The following CNTNAP2 variants were observed in gnomAD, a reference collection of about 807,000 sequenced individuals.
CNTNAP2 encodes contactin associated protein 2, also known as contactin-associated protein-like 2.
CNTNAP2 carries 98 observed loss-of-function variants against 155.2 expected under a neutral mutation model. The observed-to-expected ratio is 0.63, with a 90% confidence interval of 0.54 to 0.75. CNTNAP2 has a LOEUF of 0.75. CNTNAP2 is among the 30% of genes least tolerant of loss of function. The pLI, the probability that CNTNAP2 is intolerant of heterozygous loss-of-function variation, is 0.00. For missense variants in CNTNAP2, 1,727 were observed against 1,688.1 expected, an observed-to-expected ratio of 1.02 and a Z score of -0.40; for synonymous variants, 651 against 631.2, an observed-to-expected ratio of 1.03 and a Z score of -0.47.
intron 21 of CNTNAP2, among the ~76,000 whole-genome samples, chr7:148,305,829 C>CCG (rs1554415437): frequency 2.0e-5 from 3 of 151,952 alleles, no homozygotes; most frequent in Admixed American, 1.3e-4. Context: ...GTGAGATTTG[C>CCG]GGGGGGGACA....
At chr7:146,367,068 A>G (rs978501003) in intron 1 of CNTNAP2, among the ~76,000 whole-genome samples, 9 of 152,156 alleles carry the variant, frequency 5.9e-5, no homozygotes, top group African/African-American at 2.2e-4. Flanking sequence ...ATGAGAACCA[A>G]TGAACAAACA....
At chr7:146,632,124 T>C (rs1799520711) in intron 1 of CNTNAP2, among the ~76,000 whole-genome samples, 1 of 152,156 alleles carries the variant, frequency 6.6e-6, no homozygotes, top group African/African-American at 2.4e-5. Context: ...TATGCTTTAG[T>C]TTCATCAAAT....
chr7:146,688,378 T>A (rs1419197680), intron 1 of CNTNAP2, among the ~76,000 whole-genome samples: 1 of 152,110 alleles, frequency 6.6e-6, no homozygotes, highest in East Asian at 1.9e-4. Flanking sequence ...AGGCTTTGTG[T>A]GAGCAATAAA....
At chr7:147,413,124 A>G (rs768255971) in intron 10 of CNTNAP2, among the ~76,000 whole-genome samples, 7 of 152,202 alleles carry the variant, frequency 4.6e-5, no homozygotes, top group Non-Finnish European at 8.8e-5. Flanking sequence ...TACATCGGAA[A>G]AGAGTTTACT....
intron 1 of CNTNAP2, among the ~76,000 whole-genome samples, chr7:146,395,834 AG>A (rs1795618042): frequency 1.7e-5 from 2 of 114,342 alleles, no homozygotes; most frequent in African/African-American, 6.8e-5. Context: ...GAGGAGAGAG[AG>A]AGAGAGAGAG....
intron 11 of CNTNAP2, among the ~76,000 whole-genome samples, chr7:147,490,123 G>T (rs1180193786): frequency 6.6e-6 from 1 of 152,150 alleles, no homozygotes; most frequent in African/African-American, 2.4e-5. Flanking sequence ...TATTTTTGCA[G>T]ATCTTTTTAT....
At chr7:147,643,217 G>A (rs867841499) in intron 13 of CNTNAP2, among the ~76,000 whole-genome samples, 28 of 152,146 alleles carry the variant, frequency 1.8e-4, no homozygotes, top group African/African-American at 5.1e-4. Flanking sequence ...ATTAGGGCTT[G>A]TCTGACCCAT....
At chr7:148,266,481 C>T (rs985755877) in intron 20 of CNTNAP2, among the ~76,000 whole-genome samples, 2 of 152,196 alleles carry the variant, frequency 1.3e-5, no homozygotes, top group African/African-American at 4.8e-5. Context: ...CCAACAGCTT[C>T]ATTTCTCTCC....
chr7:146,953,042 A>G (rs929364412), intron 3 of CNTNAP2, among the ~76,000 whole-genome samples: 2 of 152,054 alleles, frequency 1.3e-5, no homozygotes, highest in Non-Finnish European at 2.9e-5. Context: ...ACTTCTATTG[A>G]AATCTTGGAA....
intron 8 of CNTNAP2, among the ~76,000 whole-genome samples, chr7:147,157,169 C>T (rs973855227): frequency 1.3e-5 from 2 of 152,060 alleles, no homozygotes; most frequent in Admixed American, 1.3e-4. Context: ...GAAAGCTCTC[C>T]ATGACACCCT....
intron 10 of CNTNAP2, among the ~76,000 whole-genome samples, chr7:147,406,595 T>G (rs114175108): frequency 0.017 from 2,518 of 152,316 alleles, 67 homozygotes; most frequent in African/African-American, 0.057. Flanking sequence ...TGGCACCCAT[T>G]GCTATATTAG....
intron 1 of CNTNAP2, among the ~76,000 whole-genome samples, chr7:146,650,245 C>T (rs947283317): frequency 1.3e-5 from 2 of 152,138 alleles, no homozygotes; most frequent in Non-Finnish European, 2.9e-5. Context: ...CACATGTACA[C>T]ATATGTTTAT....
chr7:148,022,353 C>T (rs945375552), intron 15 of CNTNAP2, among the ~76,000 whole-genome samples: 4 of 151,714 alleles, frequency 2.6e-5, no homozygotes, highest in Non-Finnish European at 4.4e-5. Context: ...CCTGTAGTCC[C>T]AGCTACTCAG....
intron 13 of CNTNAP2, among the ~76,000 whole-genome samples, chr7:147,736,946 A>G (rs150505495): frequency 1.7e-4 from 26 of 152,262 alleles, no homozygotes; most frequent in African/African-American, 6.3e-4. Context: ...AAGATTTTTA[A>G]CTTCTTTGCC....
At chr7:146,195,052 AG>A (rs1183254917) in intron 1 of CNTNAP2, 1 of 152,254 alleles carries the variant, frequency 6.6e-6, no homozygotes, top group Non-Finnish European at 1.5e-5. Context: ...TTTACAATAA[AG>A]AATATGGGAG....
chr7:147,680,842 A>G (rs1405811332), intron 13 of CNTNAP2, among the ~76,000 whole-genome samples: 1 of 151,088 alleles, frequency 6.6e-6, no homozygotes, highest in Non-Finnish European at 1.5e-5. Flanking sequence ...ACTAATACCT[A>G]CAAAATATAT....
At chr7:147,269,987 A>G (rs1362183533) in intron 8 of CNTNAP2, among the ~76,000 whole-genome samples, 1 of 152,186 alleles carries the variant, frequency 6.6e-6, no homozygotes, top group African/African-American at 2.4e-5. Context: ...GCTTGAGCCT[A>G]GGATTCTGAG....
Position 146,840,450 on chromosome 7 carries a change from A to G in CNTNAP2, c.402+546A>G, listed in dbSNP as rs562118617. On this transcript the variant is annotated intron_variant, in intron 3 of 23. Coordinates refer to ENST00000361727, the MANE Select transcript of CNTNAP2 (RefSeq NM_014141.6). ...TGTCTCTATTAACTTAAAAAGTTGT[A>G]TATATTCAATCAAATATTCACCACA... 5.5e-4 allele frequency among the ~76,000 whole-genome samples: 84 copies of G among 152,350 alleles called. 1 individual carries two copies. Among genetic ancestry groups the G allele is most frequent in the South Asian group, 1.7e-3 (8 of 4,832 alleles).
At chr7:147,080,246 T>G (rs1800094691) in intron 4 of CNTNAP2, among the ~76,000 whole-genome samples, 1 of 152,178 alleles carries the variant, frequency 6.6e-6, no homozygotes, top group Non-Finnish European at 1.5e-5. Flanking sequence ...GAGTAGTGTT[T>G]CAAGATAATC....
Sources: allele counts gnomAD v4.1 joint callset (sites outside exome capture counted in the v4.1 genomes callset), GRCh38; gene constraint gnomAD v4.1.1; transcripts MANE v1.5; gene names NCBI Gene and HGNC (gene_info 2026-07-23, HGNC 2026-07-21).